CEP63: variants seen among roughly 807,000 people sequenced by gnomAD.
CEP63 encodes the protein centrosomal protein of 63 kDa.
Under a neutral mutation model 89.1 loss-of-function variants are expected in CEP63, and 84 were observed. The ratio of observed to expected loss-of-function variants is 0.94; its 90% CI spans 0.79 to 1.13. The LOEUF is 1.13. Ranked by LOEUF, CEP63 falls within the 50% of genes most tolerant of loss-of-function variation. The pLI, the probability that CEP63 is intolerant of heterozygous loss-of-function variation, is 0.00. For synonymous variants in CEP63, 267 were observed against 272.5 expected (o/e 0.98, Z 0.20); for missense variants, 838 against 813.3 (o/e 1.03, Z -0.37).
chr3:134,561,234 C>T, intron 14 of CEP63, 143 bp from the exon 15 acceptor site: 1 of 812,796 alleles, frequency 1.2e-6, no homozygotes, highest in Non-Finnish European at 2.1e-6. Context: ...TTGCTCTTGT[C>T]ATTAGGATGA....
chr3:134,547,383 G>C lies in CEP63; in HGVS notation c.978G>C (p.Gln326His). The C allele has an allele frequency of 6.2e-7, 1 of 1,613,616 alleles. No individual in the cohort carries two copies. The highest frequency in any genetic ancestry group is 2.2e-5 in the East Asian group (1 of 44,844). The stretch of plus-strand genomic sequence containing the variant: ...AAAAGAAGTACACCTCTCAAGGGCA[G>C]GGGGACTTAGACAGTGTGCTCTCCC... ...LAEKKYTSQG[Q>H]GDLDSVLSQL... Residue 326 changes from glutamine (Q) to histidine (H), a missense_variant, in exon 9 of 15, where the codon CAG becomes CAC. By Grantham distance (24) the Gln-to-His change is conservative. Transcript: ENST00000675561.
the CEP63 span, among the ~76,000 whole-genome samples, chr3:134,665,043 G>A: frequency 6.6e-6 from 1 of 152,194 alleles, no homozygotes. Context: ...GAGGTGGGCA[G>A]AGCCACCCTC....
chr3:134,554,304 A>G (rs9832633), intron 12 of CEP63, among the ~76,000 whole-genome samples: 92,913 of 147,204 alleles, frequency 0.63, 29,887 homozygotes, highest in East Asian at 0.81. Context: ...TCATTGTTCA[A>G]TTCCCACCTA....
At chr3:134,695,652 G>A in the CEP63 span, among the ~76,000 whole-genome samples, 4 of 152,184 alleles carry the variant, frequency 2.6e-5, no homozygotes, top group African/African-American at 4.8e-5. Context: ...GCTCTGGACC[G>A]TACCCAGAGA....
chr3:134,621,432 T>C, the CEP63 span, among the ~76,000 whole-genome samples: 1 of 152,232 alleles, frequency 6.6e-6, no homozygotes, highest in South Asian at 2.1e-4. Flanking sequence ...GGTTAGTGGA[T>C]CTTTGACAAG....
the CEP63 span, among the ~76,000 whole-genome samples, chr3:134,703,913 C>T: frequency 6.6e-6 from 1 of 152,224 alleles, no homozygotes; most frequent in African/African-American, 2.4e-5. Context: ...GCTGAAGTCT[C>T]TCTTAGATAA....
the CEP63 span, among the ~76,000 whole-genome samples, chr3:134,663,508 C>G: frequency 6.6e-6 from 1 of 152,178 alleles, no homozygotes; most frequent in Non-Finnish European, 1.5e-5. Context: ...TCATAGAGCT[C>G]TCATTCACGT....
chr3:134,606,126 C>G, the CEP63 span, among the ~76,000 whole-genome samples: 2 of 152,188 alleles, frequency 1.3e-5, no homozygotes, highest in South Asian at 4.1e-4. Context: ...GCTACCTCAG[C>G]TCCTCACTGC....
the CEP63 span, among the ~76,000 whole-genome samples, chr3:134,719,793 T>C: frequency 6.6e-6 from 1 of 152,326 alleles, no homozygotes; most frequent in Non-Finnish European, 1.5e-5. Context: ...TTGTAGTATG[T>C]GTCAATACTT....
At chr3:134,550,028 T>A in intron 10 of CEP63, 35 bp from the exon 11 acceptor site, 1 of 1,488,678 alleles carries the variant, frequency 6.7e-7, no homozygotes, top group Middle Eastern at 1.8e-4. Flanking sequence ...TGCTTTCTCT[T>A]AACTTTTGGT....
At chr3:134,620,893 C>T in the CEP63 span, 87 of 1,310,800 alleles carry the variant, frequency 6.6e-5, no homozygotes, top group East Asian at 1.2e-4. Flanking sequence ...ATTAGGGCCT[C>T]GAGGAGGGGC....
intron 10 of CEP63, among the ~76,000 whole-genome samples, chr3:134,586,827 C>G (rs182157363): frequency 1.2e-3 from 179 of 152,286 alleles, no homozygotes; most frequent in African/African-American, 4.1e-3. Flanking sequence ...TTCAGGTACA[C>G]CAATCAAACA....
the CEP63 span, among the ~76,000 whole-genome samples, chr3:134,690,459 G>A: frequency 2.0e-5 from 3 of 152,178 alleles, 1 homozygote; most frequent in Middle Eastern, 3.2e-3. Flanking sequence ...CTGCAATAGA[G>A]TGTTTATTCA....
Position 134,529,444 on chromosome 3 carries a change from G to A in CEP63, c.223-2401G>A, listed in dbSNP as rs111892670. Among the ~76,000 whole-genome samples the A allele has an allele frequency of 8.7e-3, 1,294 of 149,416 alleles. 17 individuals are homozygous for A. Among genetic ancestry groups the A allele is most frequent in the African/African-American group, 0.031 (1,242 of 40,472 alleles). ...CAACCTCCACCTCCTGGGTTCAAGC[G>A]ATTCTTGTGCCACAGCCTCCTGAGT... On this transcript the variant is annotated intron_variant, in intron 3 of 14. Coordinates refer to ENST00000675561, the MANE Select transcript of CEP63 (RefSeq NM_001353108.3).
the CEP63 span, among the ~76,000 whole-genome samples, chr3:134,729,396 C>A: frequency 2.2e-4 from 34 of 152,310 alleles, no homozygotes; most frequent in Non-Finnish European, 3.4e-4. Context: ...AAAATAAAGT[C>A]TAGCTCTTAT....
chr3:134,776,392 A>G, the CEP63 span, among the ~76,000 whole-genome samples: 2 of 151,378 alleles, frequency 1.3e-5, no homozygotes, highest in African/African-American at 2.4e-5. Context: ...AAAATTATCA[A>G]CAAGATACTT....
chr3:134,639,457 T>G, the CEP63 span, among the ~76,000 whole-genome samples: 1 of 152,160 alleles, frequency 6.6e-6, no homozygotes, highest in Non-Finnish European at 1.5e-5. Context: ...TGGCTTCCAT[T>G]AGGAACGGAA....
the CEP63 span, chr3:134,780,020 A>C: frequency 6.6e-6 from 1 of 152,208 alleles, no homozygotes; most frequent in Non-Finnish European, 1.5e-5. Flanking sequence ...CCTTTGAAGC[A>C]ATTTACACTC....
chr3:134,541,759 C>T lies in CEP63; in HGVS notation c.556-3827C>T, dbSNP rs182928917. Among the ~76,000 whole-genome samples, 1,467 of 152,038 alleles carry T rather than the reference C, an allele frequency of 9.6e-3. 8 individuals are homozygous for T. The highest frequency in any genetic ancestry group is 0.011 in the Non-Finnish European group (773 of 67,968). Reference sequence around the variant, plus strand: ...AACTCCTGACCTCAAGTGATCCACCCGCCTCAGCCTCCCAGAGTGCTGGGA... The same window carrying T: ...AACTCCTGACCTCAAGTGATCCACCTGCCTCAGCCTCCCAGAGTGCTGGGA... On this transcript the variant is annotated intron_variant, in intron 6 of 14. Transcript: ENST00000675561.
Sources: gnomAD v4.1 joint callset for allele counts (sites outside exome capture counted in the v4.1 genomes callset) on GRCh38, gnomAD v4.1.1 for gene constraint, MANE v1.5 for transcripts, NCBI Gene and HGNC (gene_info 2026-07-23, HGNC 2026-07-21) for gene names.